UBE2Q2: variants seen among roughly 807,000 people sequenced by gnomAD.
UBE2Q2 encodes the protein ubiquitin-conjugating enzyme E2 Q2.
A neutral mutation model predicts 59.9 loss-of-function variants in UBE2Q2; 54 were observed. That is an observed-to-expected ratio of 0.90 (90% CI 0.72 to 1.13). UBE2Q2 has a LOEUF of 1.13. UBE2Q2 is among the 50% of genes most tolerant of loss of function. The pLI is 0.00. For missense variants in UBE2Q2, 433 were observed against 441.9 expected (o/e 0.98, Z 0.18); for synonymous variants, 165 against 155.2 (o/e 1.06, Z -0.47).
Position 75,890,474 on chromosome 15 carries a change from C to A in UBE2Q2, c.924C>A (p.Leu308=). The A allele has an allele frequency of 6.2e-7, 1 of 1,609,268 alleles. No individual in the cohort carries two copies. The highest frequency in any genetic ancestry group is 8.5e-7 in the Non-Finnish European group (1 of 1,178,918). Residue 308 remains leucine, a synonymous_variant, in exon 10 of 13, where the codon CTC becomes CTA. Transcript: ENST00000267938. ...LGGGALCMEL[L]TKQGWSSAYS... is the part of the protein sequence containing the mutation. ...GAGGAGCATTATGTATGGAACTTCTCACAAAACAGGTGACTTTTCTTACGA... is the reference window on the plus strand; with the variant it reads ...GAGGAGCATTATGTATGGAACTTCTAACAAAACAGGTGACTTTTCTTACGA...
intron 2 of UBE2Q2, among the ~76,000 whole-genome samples, chr15:75,856,579 A>G (rs1896929346): frequency 6.6e-6 from 1 of 152,192 alleles, no homozygotes. Flanking sequence ...TATTTGAGGA[A>G]GTTTGAGTCT....
Position 75,899,966 on chromosome 15 carries a change from CCTA to C in UBE2Q2, c.*511_*513del, listed in dbSNP as rs1899664630. 1 of 152,674 alleles carries C rather than the reference CCTA, an allele frequency of 6.5e-6. No individual in the cohort carries two copies. Among genetic ancestry groups the C allele is most frequent in the African/African-American group, 2.4e-5 (1 of 41,428 alleles). The allele number at this position is 152,674 out of a possible 1,614,324, so 9.5% of individuals were successfully genotyped here. On this transcript the variant is annotated 3_prime_UTR_variant, in exon 13 of 13. Coordinates refer to ENST00000267938, the MANE Select transcript of UBE2Q2 (RefSeq NM_173469.4). ...GATATTGCCAAAATGTGATAGGAAACCTACTCATTAAATTGTTAAACTTTTTAA... is the reference window on the plus strand; with the variant it reads ...GATATTGCCAAAATGTGATAGGAAACCTCATTAAATTGTTAAACTTTTTAA...
intron 1 of UBE2Q2, among the ~76,000 whole-genome samples, chr15:75,850,306 T>G (rs1355779797): frequency 1.3e-5 from 2 of 152,246 alleles, no homozygotes; most frequent in Non-Finnish European, 2.9e-5. Context: ...TCTGCTCATC[T>G]CTTTTCTCCG....
chr15:75,848,354 C>G lies in UBE2Q2; in HGVS notation c.180+4508C>G, dbSNP rs148749625. On this transcript the variant is annotated intron_variant, in intron 1 of 12. Transcript: ENST00000267938. ...TCAAAGTTGTACAAAGGAAATAAAC[C>G]TGGACTAAGGAGCCTAAGACTTTTC... Among the ~76,000 whole-genome samples, 661 of 152,306 alleles carry G rather than the reference C, an allele frequency of 4.3e-3. 13 individuals carry two copies. Among genetic ancestry groups the G allele is most frequent in the African/African-American group, 0.015 (622 of 41,568 alleles).
intron 9 of UBE2Q2, among the ~76,000 whole-genome samples, chr15:75,888,827 C>T (rs1898935602): frequency 6.6e-6 from 1 of 152,102 alleles, no homozygotes; most frequent in African/African-American, 2.4e-5. Flanking sequence ...CCAAAAACTC[C>T]CTTTCTTCCC....
intron 9 of UBE2Q2, 78 bp from the exon 10 acceptor site, chr15:75,890,357 C>T: frequency 9.1e-7 from 1 of 1,097,982 alleles, no homozygotes; most frequent in East Asian, 2.4e-5. Flanking sequence ...TGCATATTTT[C>T]TTGGTAATGG....
At position 75,843,567 on chromosome 15, in the gene UBE2Q2, C is replaced by T; in HGVS notation, c.-100C>T. 1 of 994,686 alleles carries T rather than the reference C, an allele frequency of 1.0e-6. No individual in the cohort carries two copies. The highest frequency in any genetic ancestry group is 1.3e-6 in the Non-Finnish European group (1 of 741,546). 61.6% of individuals were successfully genotyped at this position (994,686 alleles called of 1,614,324 possible). On this transcript the variant is annotated 5_prime_UTR_variant, in exon 1 of 13. Transcript: ENST00000267938. The stretch of plus-strand genomic sequence containing the variant: ...GCCGCGAGAGCGCGGCCCAGGCCGG[C>T]CCCGCGGGGCGGTCGCGGCCGTGAC...
At chr15:75,850,841 A>G (rs986217955) in intron 1 of UBE2Q2, among the ~76,000 whole-genome samples, 109 of 152,336 alleles carry the variant, frequency 7.2e-4, no homozygotes, top group African/African-American at 2.5e-3. Flanking sequence ...GGTATTTATC[A>G]CTACAAGTTA....
At chr15:75,846,390 G>A (rs773156054) in intron 1 of UBE2Q2, among the ~76,000 whole-genome samples, 6 of 151,872 alleles carry the variant, frequency 4.0e-5, no homozygotes, top group Non-Finnish European at 7.4e-5. Context: ...GGTTTCCGCC[G>A]CCACACCCGG....
chr15:75,877,044 C>T (rs1567033419), intron 6 of UBE2Q2, among the ~76,000 whole-genome samples: 2 of 150,030 alleles, frequency 1.3e-5, no homozygotes, highest in East Asian at 2.0e-4. Context: ...CCTGGTGATC[C>T]GAGCTACTCA....
intron 3 of UBE2Q2, among the ~76,000 whole-genome samples, chr15:75,860,725 C>G (rs919376485): frequency 3.5e-4 from 54 of 152,162 alleles, no homozygotes; most frequent in African/African-American, 1.3e-3. Context: ...TCTTCTGAAG[C>G]CTTTGGTTCC....
At chr15:75,865,699 G>A (rs1897425908) in intron 3 of UBE2Q2, among the ~76,000 whole-genome samples, 1 of 152,094 alleles carries the variant, frequency 6.6e-6, no homozygotes, top group African/African-American at 2.4e-5. Context: ...TAATCGTTTA[G>A]ACTTCACTAT....
In UBE2Q2 at chr15:75,876,258, G is replaced by C; in HGVS notation, c.660G>C (p.Gln220His). ...AGCTCAGGGACATATACAGATCACA[G>C]AGTTATAAAACAGGTAAGGATCTCT... ...MKELRDIYRS[Q>H]SYKTGIYSVE... is the part of the protein sequence containing the mutation. Residue 220 changes from glutamine to histidine, a missense_variant, in exon 6 of 13, where the codon CAG (glutamine) becomes CAC (histidine). Gln to His is a conservative substitution (Grantham distance 24). Coordinates refer to ENST00000267938, the MANE Select transcript of UBE2Q2 (RefSeq NM_173469.4). 6.2e-7 allele frequency: 1 copy of C among 1,613,660 alleles called. No individual in the cohort carries two copies. Among genetic ancestry groups the C allele is most frequent in the Admixed American group, 1.7e-5 (1 of 59,986 alleles).
At chr15:75,856,830 G>A (rs1037638776) in intron 2 of UBE2Q2, among the ~76,000 whole-genome samples, 1 of 151,996 alleles carries the variant, frequency 6.6e-6, no homozygotes, top group Admixed American at 6.6e-5. Flanking sequence ...TGTGATCCCA[G>A]CTACTTGGAG....
intron 1 of UBE2Q2, among the ~76,000 whole-genome samples, chr15:75,850,673 T>G (rs1171060448): frequency 6.6e-6 from 1 of 152,066 alleles, no homozygotes; most frequent in Non-Finnish European, 1.5e-5. Flanking sequence ...TAATATAGAA[T>G]GGCAAAGGGA....
intron 3 of UBE2Q2, among the ~76,000 whole-genome samples, chr15:75,868,041 A>G (rs1205079930): frequency 6.6e-6 from 1 of 152,210 alleles, no homozygotes; most frequent in Non-Finnish European, 1.5e-5. Context: ...TCTCCAGCTG[A>G]CTAATCCAGA....
At chr15:75,898,723 A>G (rs1344435901) in intron 12 of UBE2Q2, among the ~76,000 whole-genome samples, 1 of 152,168 alleles carries the variant, frequency 6.6e-6, no homozygotes, top group Non-Finnish European at 1.5e-5. Flanking sequence ...AGTTCCTTGT[A>G]TTCTAAATCG....
chr15:75,872,796 A>T (rs1016213377), intron 4 of UBE2Q2, among the ~76,000 whole-genome samples: 1 of 152,132 alleles, frequency 6.6e-6, no homozygotes, highest in Admixed American at 6.5e-5. Context: ...ACTGAAATTA[A>T]CATTTCAATG....
At chr15:75,893,694 TAA>T (rs1899235308) in intron 11 of UBE2Q2, among the ~76,000 whole-genome samples, 2 of 152,170 alleles carry the variant, frequency 1.3e-5, no homozygotes, top group Non-Finnish European at 2.9e-5. Flanking sequence ...TCAGACGATT[TAA>T]AAACAGTTGG....
Sources: gnomAD v4.1 joint callset for allele counts (sites outside exome capture counted in the v4.1 genomes callset) on GRCh38, gnomAD v4.1.1 for gene constraint, MANE v1.5 for transcripts, NCBI Gene and HGNC (gene_info 2026-07-23, HGNC 2026-07-21) for gene names.